Variants in BCOR observed in about 807,000 individuals in gnomAD.
BCOR encodes the protein BCL6 corepressor.
A neutral mutation model predicts 86.7 loss-of-function variants in BCOR; 10 were observed. The ratio of observed to expected loss-of-function variants is 0.12; its 90% confidence interval spans 0.07 to 0.20. The LOEUF (loss-of-function observed/expected upper bound fraction) is 0.20. Ranked by LOEUF, BCOR falls within the 10% of genes least tolerant of loss-of-function variation. BCOR has a pLI of 1.00. For missense variants in BCOR, 1,259 were observed against 1,452.1 expected, an observed-to-expected ratio of 0.87 and a Z score of 2.16; for synonymous variants, 611 against 609.0, an observed-to-expected ratio of 1.00 and a Z score of -0.05.
intron 1 of BCOR, among the ~76,000 whole-genome samples, chrX:40,113,962 G>A (rs1937354561): frequency 9.0e-6 from 1 of 110,810 alleles, no homozygotes; most frequent in Non-Finnish European, 1.9e-5. Flanking sequence ...GGGATTACAG[G>A]TGTGTGCCAC....
intron 1 of BCOR, among the ~76,000 whole-genome samples, chrX:40,114,585 C>T (rs1238407134): frequency 9.0e-6 from 1 of 111,715 alleles, no homozygotes; most frequent in Non-Finnish European, 1.9e-5. Context: ...CCCTAAGAAA[C>T]CAGAAGTGTA....
rs1935724603 is a variant in BCOR, at chrX:40,074,996, T to C, written c.350A>G (p.Glu117Gly). 12 of 1,209,080 alleles carry C rather than the reference T, an allele frequency of 9.9e-6. No homozygotes were observed. Among genetic ancestry groups the C allele is most frequent in the Non-Finnish European group, 1.3e-5 (12 of 894,151 alleles). ...TTTGAACTGCATCTCTGGATTTCTT[T>C]CCGAAGAAAACCCAAGGCCACCTAG... ...STLGGLGFSS[E>G]RNPEMQFKPN... Residue 117 changes from glutamate to glycine, a missense_variant, in exon 4 of 15, where the codon GAA becomes GGA. By Grantham distance (98) the Glu-to-Gly change is moderately conservative (BLOSUM62 -2). Around this residue, in one of 7 missense-constraint regions of BCOR, gnomAD observed 174 missense variants for 189.3 expected, o/e 0.92. Transcript: ENST00000378444.
chrX:40,062,869 G>A lies in BCOR; in HGVS notation c.4050C>T (p.Tyr1350=). ...DCQAASLLQK[Y]TDNSEKPSGK... ...CGGATGGCTTCTCGCTGTTGTCGGT[G>A]TATTTCTGCAGCAGGGAGGCAGCCT... is the stretch of plus-strand genomic sequence containing the variant. Residue 1350 remains tyrosine, a synonymous_variant, in exon 9 of 15, where the codon TAC becomes TAT. Coordinates refer to ENST00000378444, the MANE Select transcript of BCOR (RefSeq NM_001123385.2). The A allele has an allele frequency of 8.3e-7, 1 of 1,211,563 alleles. No individual in the cohort carries two copies. Among genetic ancestry groups the A allele is most frequent in the East Asian group, 3.0e-5 (1 of 33,849 alleles).
chrX:40,176,528 CCTCGCAGCCTCCGCGTCGGTTCCGCT>C (rs1450107949), intron 1 of BCOR, among the ~76,000 whole-genome samples: 1 of 112,711 alleles, frequency 8.9e-6, no homozygotes, highest in Non-Finnish European at 1.9e-5. Flanking sequence ...GTTCAGACGC[CCTCGCAGCCTCCGCGTCGGTTCCGCT>C]CTCGCCCCGG....
intron 1 of BCOR, among the ~76,000 whole-genome samples, chrX:40,140,783 C>T (rs1937906965): frequency 8.8e-6 from 1 of 113,263 alleles, no homozygotes; most frequent in African/African-American, 3.2e-5. Context: ...CCTTCCTATT[C>T]GTATGTGTGG....
At chrX:40,090,843 C>A (rs958333413) in intron 1 of BCOR, among the ~76,000 whole-genome samples, 2 of 111,783 alleles carry the variant, frequency 1.8e-5, no homozygotes, top group Non-Finnish European at 3.8e-5. Flanking sequence ...GAGCGTCTGG[C>A]CAGGCAGAAC....
At chrX:40,154,984 G>A (rs758003851) in intron 1 of BCOR, among the ~76,000 whole-genome samples, 6 of 111,383 alleles carry the variant, frequency 5.4e-5, no homozygotes, top group African/African-American at 2.0e-4. Flanking sequence ...ACACGCACGC[G>A]CGCGCGCGTC....
intron 3 of BCOR, among the ~76,000 whole-genome samples, 185 bp from the exon 4 acceptor site, chrX:40,075,365 C>T (rs1178249703): frequency 9.0e-6 from 1 of 111,459 alleles, no homozygotes; most frequent in Non-Finnish European, 1.9e-5. Context: ...AACCCCTTTG[C>T]TGCCTGCCTT....
At chrX:40,140,059 C>T (rs1273165669) in intron 1 of BCOR, among the ~76,000 whole-genome samples, 1 of 110,701 alleles carries the variant, frequency 9.0e-6, no homozygotes, top group Admixed American at 9.7e-5. Context: ...CTCCCAAGTC[C>T]CATTCAGCAG....
chrX:40,092,496 T>A (rs147801561), intron 1 of BCOR, among the ~76,000 whole-genome samples: 1,351 of 108,620 alleles, frequency 0.012, 24 homozygotes, highest in African/African-American at 0.043. Context: ...AAAGCATACC[T>A]CCCTTTTATT....
chrX:40,067,107 C>G (rs990042855), intron 6 of BCOR, among the ~76,000 whole-genome samples: 13 of 112,127 alleles, frequency 1.2e-4, no homozygotes, highest in Non-Finnish European at 2.3e-4. Flanking sequence ...TTGACCTTCA[C>G]TGCAAACTTC....
intron 1 of BCOR, among the ~76,000 whole-genome samples, chrX:40,135,411 A>C (rs183464882): frequency 2.9e-4 from 31 of 108,324 alleles, no homozygotes; most frequent in African/African-American, 1.0e-3. Context: ...TTTTTTGAGA[A>C]AAGAGTCTCA....
At chrX:40,106,525 G>A (rs1479648156) in intron 1 of BCOR, among the ~76,000 whole-genome samples, 1 of 110,100 alleles carries the variant, frequency 9.1e-6, no homozygotes, top group Admixed American at 9.4e-5. Flanking sequence ...ATGGCGCAGC[G>A]CCCCTCCCCC....
intron 10 of BCOR, 107 bp downstream of exon 10, chrX:40,062,032 T>C: frequency 1.0e-6 from 1 of 998,079 alleles, no homozygotes; most frequent in Non-Finnish European, 1.4e-6. Flanking sequence ...CCAGCCCCGA[T>C]GTGGAGGGGG....
intron 2 of BCOR, chrX:40,077,640 C>T (rs893985263): frequency 2.1e-5 from 9 of 435,607 alleles, no homozygotes; most frequent in African/African-American, 2.0e-4. Context: ...ACTGAAAGGC[C>T]GCTTTAGGGG....
At chrX:40,151,720 G>A (rs1383435552) in intron 1 of BCOR, among the ~76,000 whole-genome samples, 1 of 112,644 alleles carries the variant, frequency 8.9e-6, no homozygotes, top group Non-Finnish European at 1.9e-5. Context: ...ACAAGAGGCC[G>A]CAGCGGTGGC....
chrX:40,110,661 C>CTTTTTTTTTTTTTTTTTT (rs1569182584), intron 1 of BCOR, among the ~76,000 whole-genome samples: 1 of 24,672 alleles, frequency 4.1e-5, no homozygotes, highest in Admixed American at 6.3e-4. Context: ...TTCTTTTTTC[C>CTTTTTTTTTTTTTTTTTT]TTTTTCTTTT....
intron 4 of BCOR, 55 bp from the exon 5 acceptor site, chrX:40,071,745 T>A: frequency 1.0e-6 from 1 of 961,384 alleles, no homozygotes; most frequent in Non-Finnish European, 1.5e-6. Context: ...CATCCATTTT[T>A]ATAAGCATAA....
intron 1 of BCOR, among the ~76,000 whole-genome samples, chrX:40,108,932 C>A (rs1373238827): frequency 8.8e-6 from 1 of 113,105 alleles, no homozygotes; most frequent in Non-Finnish European, 1.9e-5. Context: ...GGGAAGGTAA[C>A]ACATGCACAT....
Sources: allele counts gnomAD v4.1 joint callset (sites outside exome capture counted in the v4.1 genomes callset), GRCh38; gene constraint gnomAD v4.1.1; regional missense constraint gnomAD v4.1.1; transcripts MANE v1.5; gene names NCBI Gene and HGNC (gene_info 2026-07-23, HGNC 2026-07-21).